PRKAR1B: variants seen among roughly 807,000 people sequenced by gnomAD.
PRKAR1B encodes cAMP-dependent protein kinase type I-beta regulatory subunit.
A neutral mutation model predicts 46.5 loss-of-function variants in PRKAR1B; 22 were observed. The observed-to-expected ratio is 0.47, with a 90% confidence interval of 0.34 to 0.68. The LOEUF (loss-of-function observed/expected upper bound fraction) is 0.68. PRKAR1B is among the 30% of genes least tolerant of loss of function. PRKAR1B has a pLI of 0.01. For missense variants in PRKAR1B, 445 were observed against 535.6 expected, an observed-to-expected ratio of 0.83 and a Z score of 1.67; for synonymous variants, 259 against 217.7, an observed-to-expected ratio of 1.19 and a Z score of -1.67.
rs185170488 is a variant in PRKAR1B at position 582,703 on chromosome 7, C to T, written c.769+1805G>A. ...TCTCGCCCTTCATGGCCTGCAGCAACCGTTGTCTCGACAGCGCTGGTGAAT... is the reference window on the plus strand; with the variant it reads ...TCTCGCCCTTCATGGCCTGCAGCAATCGTTGTCTCGACAGCGCTGGTGAAT... On this transcript the variant is annotated intron_variant, in intron 8 of 10. Coordinates refer to ENST00000537384, the MANE Select transcript of PRKAR1B (RefSeq NM_001164760.2). Among the ~76,000 whole-genome samples the T allele has an allele frequency of 2.0e-5, 3 of 152,332 alleles. No homozygotes were observed. In the East Asian group the frequency reaches 5.8e-4, roughly 29 times the overall value.
chr7:574,368 C>A (rs141124996), intron 9 of PRKAR1B, among the ~76,000 whole-genome samples: 7 of 152,350 alleles, frequency 4.6e-5, no homozygotes, highest in Non-Finnish European at 7.3e-5. Flanking sequence ...CCTCTCAGCT[C>A]CAGCTGGGTA....
intron 4 of PRKAR1B, among the ~76,000 whole-genome samples, chr7:619,849 GT>G (rs1334989942): frequency 6.6e-6 from 1 of 151,714 alleles, no homozygotes; most frequent in African/African-American, 2.4e-5. Context: ...TTTGTTTTTT[GT>G]TTTGTTGTTT....
chr7:680,167 AAAAAAAAAAAAG>A (rs1444368759), intron 3 of PRKAR1B, among the ~76,000 whole-genome samples: 289 of 151,024 alleles, frequency 1.9e-3, no homozygotes, highest in African/African-American at 6.7e-3. Flanking sequence ...CAAAAAAAAA[AAAAAAAAAAAAG>A]AGAGAGACCA....
chr7:645,763 C>T (rs908419443), intron 4 of PRKAR1B, among the ~76,000 whole-genome samples: 16 of 152,034 alleles, frequency 1.1e-4, no homozygotes, highest in African/African-American at 3.1e-4. Flanking sequence ...CCTGGGATCC[C>T]GGATGTGCGT....
chr7:653,913 C>G (rs1432495895), intron 4 of PRKAR1B, among the ~76,000 whole-genome samples: 1 of 151,310 alleles, frequency 6.6e-6, no homozygotes, highest in African/African-American at 2.4e-5. Flanking sequence ...ATCACCATCA[C>G]CTTCACCATC....
intron 8 of PRKAR1B, among the ~76,000 whole-genome samples, chr7:581,484 T>A (rs1199710968): frequency 1.3e-5 from 2 of 152,160 alleles, no homozygotes. Context: ...GCATATGAAT[T>A]TGGAGTGTTT....
At chr7:658,218 G>C (rs1262595743) in intron 4 of PRKAR1B, among the ~76,000 whole-genome samples, 1 of 152,122 alleles carries the variant, frequency 6.6e-6, no homozygotes, top group African/African-American at 2.4e-5. Flanking sequence ...AGCACTGCTT[G>C]AGGACAGGAG....
At chr7:552,614 C>T (rs555094826) in intron 9 of PRKAR1B, among the ~76,000 whole-genome samples, 2 of 152,108 alleles carry the variant, frequency 1.3e-5, no homozygotes, top group South Asian at 2.1e-4. Context: ...CAGAGACCAC[C>T]GTCCGGCCTG....
At chr7:648,514 G>A (rs1784736251) in intron 4 of PRKAR1B, among the ~76,000 whole-genome samples, 1 of 152,234 alleles carries the variant, frequency 6.6e-6, no homozygotes, top group Non-Finnish European at 1.5e-5. Context: ...AGGAGGCTGA[G>A]GCGGGAGAAT....
At chr7:673,074 A>AAAAC (rs1462458669) in intron 4 of PRKAR1B, among the ~76,000 whole-genome samples, 13 of 145,546 alleles carry the variant, frequency 8.9e-5, no homozygotes, top group Non-Finnish European at 1.2e-4. Flanking sequence ...AAAAAAAAAA[A>AAAAC]AAAACACACA....
intron 2 of PRKAR1B, among the ~76,000 whole-genome samples, chr7:682,931 C>T (rs768065865): frequency 9.2e-5 from 14 of 152,170 alleles, no homozygotes; most frequent in Non-Finnish European, 1.3e-4. Context: ...ACAAGGCCCT[C>T]GCTCTCCCTC....
chr7:618,028 A>T (rs1390122549), intron 4 of PRKAR1B, among the ~76,000 whole-genome samples: 1 of 142,236 alleles, frequency 7.0e-6, no homozygotes, highest in Non-Finnish European at 1.5e-5. Context: ...TCCGCCTGGG[A>T]CCCCCTCACC....
intron 2 of PRKAR1B, among the ~76,000 whole-genome samples, chr7:710,500 G>A (rs1485009434): frequency 3.3e-5 from 5 of 152,178 alleles, no homozygotes; most frequent in African/African-American, 9.6e-5. Flanking sequence ...CATCATTCCC[G>A]GAGAGAAGAC....
In PRKAR1B at chr7:706,332, G is replaced by A. The variant is rs546760644; in HGVS notation, c.177+4997C>T. 6.4e-5 allele frequency among the ~76,000 whole-genome samples: 9 copies of A among 140,846 alleles called. No homozygotes were observed. In the South Asian group the frequency reaches 1.7e-3, roughly 27 times the overall value. 92.4% of individuals were successfully genotyped at this position (140,846 alleles called of 152,430 possible). ...CAGAGCCAGACCCTGTCTCAAAAAA[G>A]AAGATTGATGGTGTCATTTTGGATA... On this transcript the variant is annotated intron_variant, in intron 2 of 10. Coordinates refer to ENST00000537384, the MANE Select transcript of PRKAR1B (RefSeq NM_001164760.2).
intron 4 of PRKAR1B, among the ~76,000 whole-genome samples, chr7:673,068 A>AAC (rs1263214695): frequency 3.5e-5 from 5 of 142,696 alleles, no homozygotes; most frequent in South Asian, 2.2e-4. Context: ...AAAAAAAAAA[A>AAC]AAAAAAAAAA....
intron 2 of PRKAR1B, among the ~76,000 whole-genome samples, chr7:695,828 T>C (rs1032036835): frequency 6.6e-6 from 1 of 151,964 alleles, no homozygotes; most frequent in African/African-American, 2.4e-5. Flanking sequence ...CATGCCCGGC[T>C]AATTTTTTTG....
intron 4 of PRKAR1B, among the ~76,000 whole-genome samples, chr7:615,133 G>A (rs980309923): frequency 6.6e-6 from 1 of 151,846 alleles, no homozygotes; most frequent in Admixed American, 6.6e-5. Context: ...GACAAAGAAA[G>A]AGAGAAAGAA....
chr7:701,559 A>C (rs1780070965), intron 2 of PRKAR1B, among the ~76,000 whole-genome samples: 2 of 152,220 alleles, frequency 1.3e-5, no homozygotes, highest in Non-Finnish European at 2.9e-5. Context: ...AAACTCAAAG[A>C]AAATCAAACT....
At chr7:680,464 A>T (rs1253049745) in intron 3 of PRKAR1B, 92 bp downstream of exon 3, 13 of 1,270,350 alleles carry the variant, frequency 1.0e-5, no homozygotes, top group African/African-American at 1.5e-5. Context: ...CCCCAGGAGG[A>T]TGAGGGTGCC....
Sources: allele counts gnomAD v4.1 joint callset (sites outside exome capture counted in the v4.1 genomes callset), GRCh38; gene constraint gnomAD v4.1.1; transcripts MANE v1.5; gene names NCBI Gene and HGNC (gene_info 2026-07-23, HGNC 2026-07-21).